ZNF561: variants seen among roughly 807,000 people sequenced by gnomAD.
ZNF561 encodes zinc finger protein 561.
ZNF561 carries 16 observed loss-of-function variants against 16.7 expected under a neutral mutation model. That is an observed-to-expected ratio of 0.96 (90% confidence interval 0.65 to 1.45). The LOEUF is 1.45. ZNF561 is among the 40% of genes most tolerant of loss of function. The pLI, the probability that ZNF561 is intolerant of heterozygous loss-of-function variation, is 0.00. For missense variants in ZNF561, 580 were observed against 578.0 expected (o/e 1.00, Z -0.04); for synonymous variants, 190 against 192.1 (o/e 0.99, Z 0.09).
Position 9,619,523 on chromosome 19 carries a change from T to G in ZNF561, c.-67A>C. Reference sequence around the variant, plus strand: ...ATGCCAAGATCACCTCAGGCCAGCTTATGAATCTAGGTGGATAGAGGCAAT... The same window carrying G: ...ATGCCAAGATCACCTCAGGCCAGCTGATGAATCTAGGTGGATAGAGGCAAT... On this transcript the variant is annotated 5_prime_UTR_variant, in exon 2 of 6. The change abolishes the stop of an existing upstream ORF in the 5' untranslated region. Coordinates refer to ENST00000302851, the MANE Select transcript of ZNF561 (RefSeq NM_152289.3). The G allele has an allele frequency of 3.8e-6, 6 of 1,576,944 alleles. No individual in the cohort carries two copies. The South Asian group carries it at 6.7e-5, about 18-fold the overall frequency.
chr19:9,614,881 C>G (rs2074526854), intron 4 of ZNF561, among the ~76,000 whole-genome samples: 1 of 151,398 alleles, frequency 6.6e-6, no homozygotes, highest in African/African-American at 2.4e-5. Flanking sequence ...CTCTGTCACC[C>G]ACACTGGAGC....
intron 3 of ZNF561, chr19:9,617,502 CTA>C (rs2074577273): frequency 7.0e-6 from 2 of 285,482 alleles, no homozygotes; most frequent in Non-Finnish European, 1.3e-5. Flanking sequence ...TTTCCTCTAT[CTA>C]TCATCTATCT....
intron 4 of ZNF561, among the ~76,000 whole-genome samples, chr19:9,614,818 G>A (rs900466962): frequency 1.3e-5 from 2 of 151,884 alleles, no homozygotes; most frequent in South Asian, 2.1e-4. Flanking sequence ...AATCTTCTGA[G>A]GCAAAGTGCA....
intron 2 of ZNF561, among the ~76,000 whole-genome samples, chr19:9,618,424 A>G (rs2074598380): frequency 6.6e-6 from 1 of 152,158 alleles, no homozygotes; most frequent in African/African-American, 2.4e-5. Flanking sequence ...GGAAACTTAC[A>G]CCCTGAAAAA....
chr19:9,618,044 T>C (rs986844043), intron 3 of ZNF561, 47 bp downstream of exon 3: 7 of 1,500,424 alleles, frequency 4.7e-6, no homozygotes, highest in South Asian at 3.6e-5. Context: ...TGTCTACCTA[T>C]TGGATGAAAG....
In ZNF561 at chr19:9,609,911, A is replaced by G. The variant is rs2074414813; in HGVS notation, c.*289T>C. The stretch of plus-strand genomic sequence containing the variant: ...CACTAACCAACAGGGGCTGGGGTCA[A>G]TCTGCATGATTTATCTCATACACAA... On this transcript the variant is annotated 3_prime_UTR_variant, in exon 6 of 6. Transcript: ENST00000302851. The G allele has an allele frequency of 7.7e-6, 2 of 258,762 alleles. No individual in the cohort carries two copies. The highest frequency in any genetic ancestry group is 1.5e-5 in the Non-Finnish European group (2 of 134,908). 16.0% of individuals were successfully genotyped at this position (258,762 alleles called of 1,614,324 possible).
rs754655781 is a variant in ZNF561, at chr19:9,610,368, T to A, written c.1293A>T (p.Leu431=). ...GGTGAACATTAAGGCGTGAGGAATA[T>A]AGAAATGCTTTCCCACATATCTTGC... is the stretch of plus-strand genomic sequence containing the variant. The part of the protein sequence containing the change: ...FVCKICGKAF[L]YSSRLNVHLR... The change falls in exon 6 of 6, where the codon CTA becomes CTT. Residue 431 remains leucine, a synonymous_variant. Transcript: ENST00000302851. 1 of 1,614,186 alleles carries A rather than the reference T, an allele frequency of 6.2e-7. No individual in the cohort carries two copies. Among genetic ancestry groups the A allele is most frequent in the East Asian group, 2.2e-5 (1 of 44,888 alleles).
In ZNF561 at chr19:9,611,222, C is replaced by T. The variant is rs1435390958; in HGVS notation, c.439G>A (p.Glu147Lys). ...GTGTCTTTTCCATAACAATTACCCT[C>T]AGAAGTATTCCCTCCATTCTGAACT... Reference protein sequence around the residue: ...MRVQNGGNTSEGNCYGKDTLS... With the variant: ...MRVQNGGNTSKGNCYGKDTLS... Residue 147 changes from glutamate (E) to lysine (K), a missense_variant, in exon 6 of 6, where the codon GAG (glutamate) becomes AAG (lysine). Transcript: ENST00000302851. The T allele has an allele frequency of 6.2e-7, 1 of 1,613,854 alleles. No homozygotes were observed. The highest frequency in any genetic ancestry group is 1.7e-5 in the Admixed American group (1 of 59,982).
intron 1 of ZNF561, among the ~76,000 whole-genome samples, chr19:9,619,921 C>CCCATCTATCTATCTATCTATCTATCTAT (rs2074636277): frequency 1.7e-5 from 2 of 116,142 alleles, no homozygotes; most frequent in African/African-American, 2.8e-5. Context: ...CTATATCTAT[C>CCCATCTATCTATCTATCTATCTATCTAT]CTATCTATCT....
At chr19:9,619,798 T>C (rs2074625853) in intron 1 of ZNF561, among the ~76,000 whole-genome samples, 1 of 152,196 alleles carries the variant, frequency 6.6e-6, no homozygotes. Flanking sequence ...ACATGCTCAG[T>C]TAATTATCAT....
chr19:9,619,282 T>TA (rs1394388765), intron 2 of ZNF561, 150 bp downstream of exon 2: 2 of 496,962 alleles, frequency 4.0e-6, no homozygotes, highest in Non-Finnish European at 6.8e-6. Context: ...AATAAATAAA[T>TA]AATAAAACAG....
chr19:9,610,340 G>A lies in ZNF561; in HGVS notation c.1321C>T (p.Arg441Ter), dbSNP rs760762151. Residue 441 changes from arginine to a stop codon, truncating the protein, a stop_gained, in exon 6 of 6, where the codon CGA (arginine) becomes TGA (stop). Coordinates refer to ENST00000302851, the MANE Select transcript of ZNF561 (RefSeq NM_152289.3). LOFTEE classifies it low-confidence loss of function (END_TRUNC). Reference protein sequence around the residue: ...LYSSRLNVHLRTHTGEKPFVC... With the variant: ...LYSSRLNVHL Reference sequence around the variant, plus strand: ...AAGGGTTTCTCTCCGGTATGAGTTCGCAGGTGAACATTAAGGCGTGAGGAA... The same window carrying A: ...AAGGGTTTCTCTCCGGTATGAGTTCACAGGTGAACATTAAGGCGTGAGGAA... 48 of 1,613,958 alleles carry A rather than the reference G, an allele frequency of 3.0e-5. No homozygotes were observed. Among genetic ancestry groups the A allele is most frequent in the Non-Finnish European group, 3.3e-5 (39 of 1,180,020 alleles).
rs73006393 is a variant in ZNF561 at position 9,608,952 on chromosome 19, C to T, written c.*1248G>A. 0.093 allele frequency: 14,159 copies of T among 152,096 alleles called. 861 individuals carry two copies. Among genetic ancestry groups the T allele is most frequent in the South Asian group, 0.18 (858 of 4,814 alleles). 9.4% of individuals were successfully genotyped at this position (152,096 alleles called of 1,614,324 possible). A position where few individuals can be genotyped will look rare whatever the true frequency, so the allele number is the denominator to read the frequency against. ...AAACTGCCCATAAACAAAATCTCTG[C>T]GGCACTGTGACATGCTCGTGATGGC... On this transcript the variant is annotated 3_prime_UTR_variant, in exon 6 of 6. Coordinates refer to ENST00000302851, the MANE Select transcript of ZNF561 (RefSeq NM_152289.3).
In ZNF561 at chr19:9,608,913, A is replaced by G. The variant is rs1307743685; in HGVS notation, c.*1287T>C. 6.6e-6 allele frequency: 1 copy of G among 152,132 alleles called. No homozygotes were observed. Among genetic ancestry groups the G allele is most frequent in the African/African-American group, 2.4e-5 (1 of 41,424 alleles). 9.4% of individuals were successfully genotyped at this position (152,132 alleles called of 1,614,324 possible). The stretch of plus-strand genomic sequence containing the variant: ...GAACAGGCCCCCCAAATTTGGACAT[A>G]AACAGGCCATGAGAAACTGCCCATA... On this transcript the variant is annotated 3_prime_UTR_variant, in exon 6 of 6. Coordinates refer to ENST00000302851, the MANE Select transcript of ZNF561 (RefSeq NM_152289.3).
At chr19:9,611,433 T>G in intron 5 of ZNF561, 97 bp from the exon 6 acceptor site, 1 of 1,295,046 alleles carries the variant, frequency 7.7e-7, no homozygotes, top group Non-Finnish European at 1.0e-6. Context: ...AATTATGATT[T>G]TACTTTTTAA....
intron 5 of ZNF561, among the ~76,000 whole-genome samples, chr19:9,611,918 T>C (rs181846667): frequency 6.6e-6 from 1 of 152,282 alleles, no homozygotes; most frequent in Admixed American, 6.5e-5. Context: ...GGCCAATCTT[T>C]CAGTTTGTTT....
chr19:9,608,441 T>A lies in ZNF561; in HGVS notation c.*1759A>T, dbSNP rs989311621. 3.3e-5 allele frequency: 5 copies of A among 152,076 alleles called. No individual in the cohort carries two copies. The highest frequency in any genetic ancestry group is 1.2e-4 in the African/African-American group (5 of 41,396). 9.4% of individuals were successfully genotyped at this position (152,076 alleles called of 1,614,324 possible). A position where few individuals can be genotyped will look rare whatever the true frequency, so the allele number is the denominator to read the frequency against. ...ATCTCAGACTTCCAGCCTCGAGAAA[T>A]GTGAGAATATAAATTTGTTTTTAAC... On this transcript the variant is annotated 3_prime_UTR_variant, in exon 6 of 6. Coordinates refer to ENST00000302851, the MANE Select transcript of ZNF561 (RefSeq NM_152289.3).
Position 9,611,023 on chromosome 19 carries a change from T to C in ZNF561, c.638A>G (p.Asp213Gly). ...ATCAGTGTGGATTCCCATATGATTA[T>C]CAAGGCTTGCAAAATACTTAAAGCC... Reference protein sequence around the residue: ...GKGFKYFASLDNHMGIHTDEK... With the variant: ...GKGFKYFASLGNHMGIHTDEK... The change falls in exon 6 of 6, where the codon GAT becomes GGT. Residue 213 changes from aspartate (D) to glycine (G), a missense_variant. Physicochemically the swap from Asp to Gly is moderately conservative, Grantham distance 94. Transcript: ENST00000302851. 6.2e-7 allele frequency: 1 copy of C among 1,614,154 alleles called. No homozygotes were observed. Among genetic ancestry groups the C allele is most frequent in the Non-Finnish European group, 8.5e-7 (1 of 1,180,024 alleles).
intron 4 of ZNF561, among the ~76,000 whole-genome samples, chr19:9,614,891 C>T (rs773701345): frequency 1.4e-4 from 21 of 149,654 alleles, no homozygotes; most frequent in Non-Finnish European, 2.1e-4. Flanking sequence ...CACACTGGAG[C>T]GCAGTGGCAC....
Sources: gnomAD v4.1 joint callset for allele counts (sites outside exome capture counted in the v4.1 genomes callset) on GRCh38, gnomAD v4.1.1 for gene constraint, MANE v1.5 for transcripts, NCBI Gene and HGNC (gene_info 2026-07-23, HGNC 2026-07-21) for gene names.